The following STX8 variants were observed in gnomAD, a reference collection of about 807,000 sequenced individuals.
The protein encoded by STX8 is syntaxin 8.
STX8 carries 23 observed loss-of-function variants against 37.5 expected under a neutral mutation model. The ratio of observed to expected loss-of-function variants is 0.61; its 90% confidence interval spans 0.44 to 0.87. The LOEUF is 0.87. Among genes scored for constraint, STX8 ranks in the 40% least tolerant of loss-of-function variants. STX8 has a pLI of 0.00. For missense variants in STX8, 313 were observed against 284.7 expected, an observed-to-expected ratio of 1.10 and a Z score of -0.71; for synonymous variants, 115 against 99.1, an observed-to-expected ratio of 1.16 and a Z score of -0.95.
intron 4 of STX8, among the ~76,000 whole-genome samples, chr17:9,544,623 AC>A: frequency 6.6e-6 from 1 of 152,302 alleles, no homozygotes; most frequent in East Asian, 1.9e-4. Context: ...TTCTGACTTC[AC>A]CCACAGTCTC....
At chr17:9,255,458 C>T (rs1211537124) in intron 7 of STX8, among the ~76,000 whole-genome samples, 1 of 151,784 alleles carries the variant, frequency 6.6e-6, no homozygotes, top group Non-Finnish European at 1.5e-5. Flanking sequence ...ACTCGGGAGG[C>T]GGAGGTTGTG....
At chr17:9,545,941 T>C (rs987730965) in intron 3 of STX8, among the ~76,000 whole-genome samples, 2 of 152,190 alleles carry the variant, frequency 1.3e-5, no homozygotes, top group Admixed American at 6.5e-5. Context: ...CAGTGATTCC[T>C]TAGGTTTTGA....
intron 5 of STX8, among the ~76,000 whole-genome samples, chr17:9,503,105 CAAAAAA>C (rs61437085): frequency 3.4e-5 from 2 of 58,582 alleles, no homozygotes; most frequent in East Asian, 5.6e-4. Flanking sequence ...GACTCTGTCT[CAAAAAA>C]AAAAAAAAAA....
chr17:9,494,922 C>T (rs183323513), intron 5 of STX8, among the ~76,000 whole-genome samples: 78 of 152,168 alleles, frequency 5.1e-4, no homozygotes, highest in Non-Finnish European at 9.8e-4. Flanking sequence ...CCACGGAACA[C>T]GCCGCATGAA....
chr17:9,290,355 T>C (rs546011865), intron 7 of STX8, among the ~76,000 whole-genome samples: 1 of 151,744 alleles, frequency 6.6e-6, no homozygotes, highest in Non-Finnish European at 1.5e-5. Context: ...AGGATGGGGG[T>C]GAGTGCCACC....
chr17:9,452,411 T>C (rs777546768), intron 6 of STX8: 20 of 152,186 alleles, frequency 1.3e-4, no homozygotes, highest in Non-Finnish European at 2.6e-4. Context: ...TAAATGTGTG[T>C]TTCTATTTCC....
At chr17:9,541,551 A>C (rs759821670) in intron 4 of STX8, among the ~76,000 whole-genome samples, 1 of 152,190 alleles carries the variant, frequency 6.6e-6, no homozygotes, top group Non-Finnish European at 1.5e-5. Flanking sequence ...ACAACGAAAA[A>C]TGGGCAGCAC....
Position 9,551,105 on chromosome 17 carries a change from T to C in STX8, c.213-5823A>G, listed in dbSNP as rs144867282. ...AAAAATAGAATTTAGGTAAGCCTTA[T>C]TTTGTGAAAGAGCTGCTCTGGCGAA... On this transcript the variant is annotated intron_variant, in intron 3 of 7. Coordinates refer to ENST00000306357, the MANE Select transcript of STX8 (RefSeq NM_004853.3). Among the ~76,000 whole-genome samples, 25 of 152,310 alleles carry C rather than the reference T, an allele frequency of 1.6e-4. No homozygotes were observed. The East Asian group carries it at 4.6e-3, about 28-fold the overall frequency.
At chr17:9,359,729 C>G (rs373780495) in intron 7 of STX8, among the ~76,000 whole-genome samples, 5 of 151,938 alleles carry the variant, frequency 3.3e-5, no homozygotes, top group Admixed American at 2.0e-4. Flanking sequence ...AGGATGGTCT[C>G]GATCTCCTGA....
intron 7 of STX8, among the ~76,000 whole-genome samples, chr17:9,332,844 C>T (rs906099611): frequency 3.3e-5 from 5 of 152,180 alleles, no homozygotes; most frequent in African/African-American, 1.2e-4. Context: ...TATCCTACCT[C>T]ACCCAACACA....
At chr17:9,399,583 C>T (rs764812601) in intron 6 of STX8, among the ~76,000 whole-genome samples, 19 of 151,874 alleles carry the variant, frequency 1.3e-4, no homozygotes, top group Non-Finnish European at 2.1e-4. Context: ...AGATGAGATC[C>T]GGCCGGGTGC....
At chr17:9,436,303 C>T (rs961572238) in intron 6 of STX8, among the ~76,000 whole-genome samples, 2 of 151,382 alleles carry the variant, frequency 1.3e-5, no homozygotes, top group Non-Finnish European at 2.9e-5. Flanking sequence ...TGAGATCGTG[C>T]CACTGCGCTC....
intron 7 of STX8, among the ~76,000 whole-genome samples, chr17:9,302,287 T>C (rs1908816282): frequency 6.6e-6 from 1 of 152,184 alleles, no homozygotes; most frequent in African/African-American, 2.4e-5. Context: ...TGGTTTTGTT[T>C]TTTTTCTTTT....
In STX8 at chr17:9,414,577, T is replaced by C. The variant is rs139694685; in HGVS notation, c.542-35924A>G. On this transcript the variant is annotated intron_variant, in intron 6 of 7. Transcript: ENST00000306357. ...GCTAGGGGACTTGTGTGAAGTCGAGTTGACAGAGTAAACTGTCTGAGGTAC... is the reference window on the plus strand; with the variant it reads ...GCTAGGGGACTTGTGTGAAGTCGAGCTGACAGAGTAAACTGTCTGAGGTAC... Among the ~76,000 whole-genome samples the C allele has an allele frequency of 1.3e-3, 201 of 152,084 alleles. 2 individuals carry two copies. The highest frequency in any genetic ancestry group is 4.6e-3 in the African/African-American group (192 of 41,476).
At chr17:9,419,569 A>G (rs1210648347) in intron 6 of STX8, among the ~76,000 whole-genome samples, 1 of 152,216 alleles carries the variant, frequency 6.6e-6, no homozygotes, top group Non-Finnish European at 1.5e-5. Context: ...TGGGAGGTAG[A>G]TATTAAGTAT....
chr17:9,464,901 T>G (rs1376379836), intron 6 of STX8: 1 of 152,040 alleles, frequency 6.6e-6, no homozygotes, highest in Non-Finnish European at 1.5e-5. Flanking sequence ...TTTTGTATTT[T>G]CAGTAGAGAC....
At chr17:9,413,372 C>A (rs1214687656) in intron 6 of STX8, among the ~76,000 whole-genome samples, 2 of 152,166 alleles carry the variant, frequency 1.3e-5, no homozygotes, top group Non-Finnish European at 2.9e-5. Flanking sequence ...ACAGAGAGGC[C>A]AACAACCTAG....
chr17:9,435,193 A>G (rs1424485345), intron 6 of STX8, among the ~76,000 whole-genome samples: 1 of 152,238 alleles, frequency 6.6e-6, no homozygotes, highest in Non-Finnish European at 1.5e-5. Context: ...TTGTGGGGAA[A>G]GATACTGAGC....
At chr17:9,378,727 T>TGA in intron 6 of STX8, 74 bp from the exon 7 acceptor site, 5 of 1,142,000 alleles carry the variant, frequency 4.4e-6, no homozygotes, top group Non-Finnish European at 6.6e-6. Flanking sequence ...GCTGTGGTTG[T>TGA]TCATCCTAGC....
Sources: allele counts gnomAD v4.1 joint callset (sites outside exome capture counted in the v4.1 genomes callset), GRCh38; gene constraint gnomAD v4.1.1; transcripts MANE v1.5; gene names NCBI Gene and HGNC (gene_info 2026-07-23, HGNC 2026-07-21).